Variants in HSD17B12 observed in about 807,000 individuals in gnomAD.
The protein encoded by HSD17B12 is very-long-chain 3-oxoacyl-CoA reductase.
A neutral mutation model predicts 39.3 loss-of-function variants in HSD17B12; 32 were observed. The ratio of observed to expected loss-of-function variants is 0.81; its 90% CI spans 0.61 to 1.09. The LOEUF is 1.09. Ranked by LOEUF, HSD17B12 falls within the 50% of genes least tolerant of loss-of-function variation. The pLI is 0.00. For missense variants in HSD17B12, 342 were observed against 382.9 expected (o/e 0.89, Z 0.89); for synonymous variants, 150 against 146.7 (o/e 1.02, Z -0.16).
chr11:43,558,474 T>C, the HSD17B12 span, among the ~76,000 whole-genome samples: 3 of 151,980 alleles, frequency 2.0e-5, no homozygotes, highest in Non-Finnish European at 2.9e-5. Flanking sequence ...TGTAGTACTG[T>C]ACATTTTTTT....
the HSD17B12 span, among the ~76,000 whole-genome samples, chr11:43,625,978 G>A: frequency 6.6e-6 from 1 of 151,286 alleles, no homozygotes; most frequent in South Asian, 2.1e-4. Flanking sequence ...TTACATTCTT[G>A]ATATTTGAAA....
the HSD17B12 span, among the ~76,000 whole-genome samples, chr11:43,619,651 C>A: frequency 6.6e-6 from 1 of 152,054 alleles, no homozygotes; most frequent in Non-Finnish European, 1.5e-5. Context: ...CTCAGCCTCC[C>A]AGAGTGTTGG....
the HSD17B12 span, among the ~76,000 whole-genome samples, chr11:43,624,007 A>G: frequency 6.6e-6 from 1 of 152,024 alleles, no homozygotes; most frequent in Non-Finnish European, 1.5e-5. Flanking sequence ...TCCTGTCTAG[A>G]CATGCAAATT....
At chr11:43,681,669 GATT>G (rs1949746181) in intron 1 of HSD17B12, among the ~76,000 whole-genome samples, 1 of 128,566 alleles carries the variant, frequency 7.8e-6, no homozygotes, top group African/African-American at 2.7e-5. Context: ...GTTAAAATCA[GATT>G]TTTTTTTTTT....
chr11:43,766,624 A>T (rs562072019), intron 3 of HSD17B12, among the ~76,000 whole-genome samples: 11 of 152,320 alleles, frequency 7.2e-5, no homozygotes, highest in African/African-American at 2.6e-4. Context: ...TCACACTTTT[A>T]AAGAGAGACA....
At chr11:43,777,864 GC>G (rs1289285086) in intron 3 of HSD17B12, among the ~76,000 whole-genome samples, 2 of 152,064 alleles carry the variant, frequency 1.3e-5, no homozygotes, top group Non-Finnish European at 2.9e-5. Flanking sequence ...AGCACTAAAT[GC>G]CCACAAGAGA....
chr11:43,575,704 C>T, the HSD17B12 span, among the ~76,000 whole-genome samples: 1 of 152,216 alleles, frequency 6.6e-6, no homozygotes, highest in East Asian at 1.9e-4. The surrounding 1 kb of genome is among the most constrained non-coding windows in gnomAD (Gnocchi z 4.1). Context: ...ACCAGACCCA[C>T]CAAAGAGGAG....
At chr11:43,654,707 G>A in the HSD17B12 span, among the ~76,000 whole-genome samples, 1 of 152,170 alleles carries the variant, frequency 6.6e-6, no homozygotes, top group Non-Finnish European at 1.5e-5. Context: ...GATGGTTGTA[G>A]ATGTGTGGTG....
At chr11:43,789,510 A>G (rs1415086986) in intron 3 of HSD17B12, among the ~76,000 whole-genome samples, 1 of 152,224 alleles carries the variant, frequency 6.6e-6, no homozygotes, top group Non-Finnish European at 1.5e-5. Flanking sequence ...CATGCTCCTG[A>G]ATAAATGAAT....
chr11:43,798,591 A>G (rs1950935907), intron 4 of HSD17B12, among the ~76,000 whole-genome samples, 164 bp downstream of exon 4: 1 of 152,096 alleles, frequency 6.6e-6, no homozygotes, highest in South Asian at 2.1e-4. Flanking sequence ...ATACATTTGA[A>G]TCTGTGTTTT....
the HSD17B12 span, among the ~76,000 whole-genome samples, chr11:43,599,865 T>G: frequency 2.0e-5 from 3 of 152,192 alleles, no homozygotes; most frequent in Non-Finnish European, 4.4e-5. Flanking sequence ...AGAAAAGGGA[T>G]TGGAGGAATT....
At chr11:43,648,063 A>G in the HSD17B12 span, among the ~76,000 whole-genome samples, 1 of 152,126 alleles carries the variant, frequency 6.6e-6, no homozygotes, top group Non-Finnish European at 1.5e-5. Context: ...GATCGTATGC[A>G]TATGTCCTAC....
the HSD17B12 span, among the ~76,000 whole-genome samples, chr11:43,617,067 T>C: frequency 6.6e-6 from 1 of 152,110 alleles, no homozygotes; most frequent in Non-Finnish European, 1.5e-5. Flanking sequence ...TGAGAGATAC[T>C]TGGCAATTAA....
chr11:43,805,074 G>A (rs1329118995), intron 4 of HSD17B12, among the ~76,000 whole-genome samples: 1 of 152,180 alleles, frequency 6.6e-6, no homozygotes, highest in Non-Finnish European at 1.5e-5. Context: ...TGCTTGGAAG[G>A]AAGGAAAATG....
At chr11:43,745,797 G>A (rs1431953895) in intron 1 of HSD17B12, among the ~76,000 whole-genome samples, 3 of 152,120 alleles carry the variant, frequency 2.0e-5, no homozygotes, top group Non-Finnish European at 4.4e-5. Flanking sequence ...TTGGAAGGCC[G>A]AGGTGGGAGC....
chr11:43,623,383 GTTTGTTTTT>G, the HSD17B12 span, among the ~76,000 whole-genome samples: 2 of 141,538 alleles, frequency 1.4e-5, no homozygotes, highest in African/African-American at 5.0e-5. Flanking sequence ...AGCATTAAAG[GTTTGTTTTT>G]TTTGTTTTTT....
At chr11:43,643,185 C>T in the HSD17B12 span, among the ~76,000 whole-genome samples, 1 of 152,040 alleles carries the variant, frequency 6.6e-6, no homozygotes, top group Admixed American at 6.5e-5. Flanking sequence ...GCATCAAATA[C>T]TAAACAATTA....
At chr11:43,819,976 C>CATGGAATTAA (rs1951165480) in intron 6 of HSD17B12, among the ~76,000 whole-genome samples, 1 of 152,158 alleles carries the variant, frequency 6.6e-6, no homozygotes, top group East Asian at 1.9e-4. Context: ...ATCAATGGAT[C>CATGGAATTAA]ATGGAATTAA....
chr11:43,631,174 T>C, the HSD17B12 span, among the ~76,000 whole-genome samples: 1 of 152,174 alleles, frequency 6.6e-6, no homozygotes, highest in African/African-American at 2.4e-5. Context: ...CTTGGACACA[T>C]GGCTTGGACT....
Sources: allele counts gnomAD v4.1 joint callset (sites outside exome capture counted in the v4.1 genomes callset), GRCh38; gene constraint gnomAD v4.1.1; non-coding constraint Gnocchi (gnomAD v3.1); transcripts MANE v1.5; gene names NCBI Gene and HGNC (gene_info 2026-07-23, HGNC 2026-07-21).